The following SLC19A1 variants were observed in gnomAD, a reference collection of about 807,000 sequenced individuals.
SLC19A1 encodes the protein solute carrier family 19 member 1.
In SLC19A1, 37 loss-of-function variants were observed where a neutral mutation model predicts 35.3. That is an observed-to-expected ratio of 1.05 (90% confidence interval 0.81 to 1.38). SLC19A1 has a LOEUF of 1.38. Ranked by LOEUF, SLC19A1 falls within the 40% of genes most tolerant of loss-of-function variation. SLC19A1 has a pLI of 0.00. For missense variants in SLC19A1, 831 were observed against 826.9 expected (o/e 1.00, Z -0.06); for synonymous variants, 460 against 398.5 (o/e 1.15, Z -1.84).
At chr21:45,532,316 C>T (rs1257390340) in intron 2 of SLC19A1, among the ~76,000 whole-genome samples, 168 bp from the exon 3 acceptor site, 1 of 152,262 alleles carries the variant, frequency 6.6e-6, no homozygotes, top group East Asian at 1.9e-4. Context: ...ATCGTCCTCT[C>T]TGAACAGGGA....
chr21:45,510,517 C>T (rs570995929), downstream of SLC19A1, among the ~76,000 whole-genome samples: 23 of 152,248 alleles, frequency 1.5e-4, no homozygotes, highest in African/African-American at 2.2e-4. Context: ...CCTGACCCCC[C>T]GCTCCCCCGG....
chr21:45,532,877 G>A (rs1336176529), intron 2 of SLC19A1, among the ~76,000 whole-genome samples: 2 of 152,222 alleles, frequency 1.3e-5, no homozygotes, highest in African/African-American at 2.4e-5. Flanking sequence ...AGAAGACACA[G>A]AAAGGAAGGG....
At chr21:45,545,302 T>A (rs1420021540), upstream of SLC19A1, among the ~76,000 whole-genome samples, 1 of 152,122 alleles carries the variant, frequency 6.6e-6, no homozygotes, top group Admixed American at 6.5e-5. Flanking sequence ...CTTAGCACCA[T>A]CACCTTGGTG....
chr21:45,539,272 A>G (rs2078230232), intron 1 of SLC19A1, among the ~76,000 whole-genome samples: 1 of 152,200 alleles, frequency 6.6e-6, no homozygotes, highest in South Asian at 2.1e-4. Flanking sequence ...CCCGGAGGCC[A>G]GGCCTGGCAG....
At chr21:45,546,725 G>C (rs1006877866), upstream of SLC19A1, among the ~76,000 whole-genome samples, 5 of 152,238 alleles carry the variant, frequency 3.3e-5, no homozygotes, top group African/African-American at 1.2e-4. Context: ...CTGCAAGGTG[G>C]AGTTTGAAGC....
chr21:45,523,222 G>A (rs1243382473), intron 5 of SLC19A1, among the ~76,000 whole-genome samples: 1 of 152,144 alleles, frequency 6.6e-6, no homozygotes, highest in Non-Finnish European at 1.5e-5. Context: ...CCCAGTAACA[G>A]GCACGGGGGC....
At chr21:45,523,995 G>A (rs1216199829) in intron 5 of SLC19A1, among the ~76,000 whole-genome samples, 1 of 152,174 alleles carries the variant, frequency 6.6e-6, no homozygotes, top group East Asian at 1.9e-4. Context: ...CGGCCACCAG[G>A]AGGCTGTGTC....
At chr21:45,546,126 A>G (rs1016299655), upstream of SLC19A1, among the ~76,000 whole-genome samples, 4 of 152,260 alleles carry the variant, frequency 2.6e-5, no homozygotes, top group African/African-American at 9.6e-5. Flanking sequence ...ACTAGCCCCA[A>G]GCCCAGGCCT....
rs545430125 is a variant in SLC19A1 at position 45,505,876 on chromosome 21, G to A, written c.498-7264C>T. The A allele has an allele frequency of 2.5e-6, 4 of 1,611,862 alleles. No individual in the cohort carries two copies. In the African/African-American group the frequency reaches 5.3e-5, roughly 21 times the overall value. ...CTACACGCCAGGCCATGCTGGGCCA[G>A]GTGCACGAGGTTCCCGAGGGCTGGC... On this transcript the variant is annotated intron_variant, in intron 3 of 4. Coordinates refer to the SLC19A1 transcript ENST00000417954.
chr21:45,507,554 C>CT (rs778026912), intron 3 of SLC19A1: 4 of 1,612,256 alleles, frequency 2.5e-6, no homozygotes, highest in Non-Finnish European at 3.4e-6. Flanking sequence ...CTGCTGCTTT[C>CT]TTCCAGCTGG....
At position 45,515,236 on chromosome 21, in the gene SLC19A1, C is replaced by A; in HGVS notation, c.*422G>T. The A allele has an allele frequency of 6.6e-7, 1 of 1,505,170 alleles. No homozygotes were observed. Among genetic ancestry groups the A allele is most frequent in the Non-Finnish European group, 8.8e-7 (1 of 1,138,418 alleles). 93.2% of individuals were successfully genotyped at this position (1,505,170 alleles called of 1,614,324 possible). On this transcript the variant is annotated 3_prime_UTR_variant, in exon 6 of 6. Coordinates refer to ENST00000311124, the MANE Select transcript of SLC19A1 (RefSeq NM_194255.4). ...CCAGCAATGTCACAGCTCAGCTACA[C>A]CTGAGGGTCCCGGCTCCCACCCTGC...
intron 1 of SLC19A1, among the ~76,000 whole-genome samples, chr21:45,557,856 C>T (rs1348374104): frequency 4.6e-5 from 7 of 152,160 alleles, no homozygotes; most frequent in Non-Finnish European, 7.4e-5. Context: ...TGGGGGTGGC[C>T]GTGCCCTCGG....
downstream of SLC19A1, chr21:45,509,552 C>T (rs1395632086): frequency 4.6e-6 from 7 of 1,535,504 alleles, no homozygotes; most frequent in Admixed American, 1.9e-5. Flanking sequence ...CTGCGGCCGG[C>T]GCGACCCACA....
chr21:45,551,919 T>C (rs1241231079), intron 1 of SLC19A1, among the ~76,000 whole-genome samples: 3 of 152,178 alleles, frequency 2.0e-5, no homozygotes, highest in Admixed American at 1.3e-4. Flanking sequence ...TTTATGTCCG[T>C]ACTTTAGGGC....
At chr21:45,532,171 C>T (rs754217573) in intron 2 of SLC19A1, 23 bp from the exon 3 acceptor site, 81 of 1,559,154 alleles carry the variant, frequency 5.2e-5, no homozygotes, top group Non-Finnish European at 6.7e-5. Context: ...GGGCGTGCGC[C>T]CCACCAGGTG....
At chr21:45,509,318 G>GT, downstream of SLC19A1, 1 of 1,537,398 alleles carries the variant, frequency 6.5e-7, no homozygotes, top group Non-Finnish European at 8.7e-7. Flanking sequence ...CACCCGGAGG[G>GT]TCCCCCCGCC....
intron 5 of SLC19A1, among the ~76,000 whole-genome samples, chr21:45,516,456 G>GC (rs1033926830): frequency 2.6e-5 from 4 of 152,132 alleles, no homozygotes; most frequent in Non-Finnish European, 5.9e-5. Flanking sequence ...GGTGCTTGCT[G>GC]CCCCCCCATG....
chr21:45,525,883 G>T lies in SLC19A1; in HGVS notation c.1227C>A (p.Ile409=), dbSNP rs770733927. 6.2e-7 allele frequency: 1 copy of T among 1,613,696 alleles called. No homozygotes were observed. The highest frequency in any genetic ancestry group is 1.1e-5 in the South Asian group (1 of 91,088). Residue 409 remains isoleucine (I), a synonymous_variant, in exon 5 of 6, where the codon ATC becomes ATA. Coordinates refer to ENST00000311124, the MANE Select transcript of SLC19A1 (RefSeq NM_194255.4). ...CAATGAAAGTGATGATGGTCTTGACGATGGTGGCAAAGAACGTGTTGACCC... is the reference window on the plus strand; with the variant it reads ...CAATGAAAGTGATGATGGTCTTGACTATGGTGGCAAAGAACGTGTTGACCC... The part of the protein sequence containing the change: ...VFGVNTFFAT[I]VKTIITFIVS...
intron 1 of SLC19A1, among the ~76,000 whole-genome samples, chr21:45,560,842 C>T (rs937390572): frequency 2.0e-5 from 3 of 152,214 alleles, no homozygotes; most frequent in Non-Finnish European, 2.9e-5. Flanking sequence ...CCCGGAGAAT[C>T]GGCGCTGTCC....
Sources: gnomAD v4.1 joint callset for allele counts (sites outside exome capture counted in the v4.1 genomes callset) on GRCh38, gnomAD v4.1.1 for gene constraint, MANE v1.5 for transcripts, NCBI Gene and HGNC (gene_info 2026-07-23, HGNC 2026-07-21) for gene names.